The following ANKRD31 variants were observed in gnomAD, a reference collection of about 807,000 sequenced individuals.
ANKRD31 encodes the protein ankyrin repeat domain 31.
A neutral mutation model predicts 186.0 loss-of-function variants in ANKRD31; 147 were observed. That is an observed-to-expected ratio of 0.79 (90% CI 0.69 to 0.91). The LOEUF (loss-of-function observed/expected upper bound fraction) is 0.91, where lower values mean the gene tolerates loss of function less well. Ranked by LOEUF, ANKRD31 falls within the 40% of genes least tolerant of loss-of-function variation. The pLI, the probability that ANKRD31 is intolerant of heterozygous loss-of-function variation, is 0.00. For missense variants in ANKRD31, 1,986 were observed against 2,148.8 expected, an observed-to-expected ratio of 0.92 and a Z score of 1.50; for synonymous variants, 673 against 736.4, an observed-to-expected ratio of 0.91 and a Z score of 1.39.
At chr5:75,155,858 A>G (rs1752131058) in intron 11 of ANKRD31, among the ~76,000 whole-genome samples, 1 of 151,858 alleles carries the variant, frequency 6.6e-6, no homozygotes, top group Non-Finnish European at 1.5e-5. Flanking sequence ...CAGCAGGTAC[A>G]CTTTCCTCAT....
chr5:75,101,879 C>T (rs1344864213), intron 22 of ANKRD31, among the ~76,000 whole-genome samples: 4 of 152,160 alleles, frequency 2.6e-5, no homozygotes, highest in African/African-American at 4.8e-5. Flanking sequence ...GAACATCCTC[C>T]TTTAGCTCGG....
At chr5:75,178,907 A>G (rs1452058169) in intron 10 of ANKRD31, among the ~76,000 whole-genome samples, 1 of 152,206 alleles carries the variant, frequency 6.6e-6, no homozygotes, top group Non-Finnish European at 1.5e-5. Flanking sequence ...AAGGAAATAG[A>G]GACACAAAAA....
intron 22 of ANKRD31, among the ~76,000 whole-genome samples, chr5:75,101,043 T>C (rs1342977568): frequency 6.6e-6 from 1 of 152,148 alleles, no homozygotes. Flanking sequence ...GTTTGGCATG[T>C]TTTTTGCAGT....
At chr5:75,116,767 G>A (rs1020054306) in intron 18 of ANKRD31, 86 bp from the exon 19 acceptor site, 10 of 658,666 alleles carry the variant, frequency 1.5e-5, no homozygotes, top group Admixed American at 3.7e-5. Flanking sequence ...GGGATGAGAA[G>A]GATAAGTCAA....
chr5:75,218,067 G>A (rs1219359420), intron 3 of ANKRD31, among the ~76,000 whole-genome samples: 1 of 152,032 alleles, frequency 6.6e-6, no homozygotes, highest in Non-Finnish European at 1.5e-5. Context: ...CCTCAAAGCT[G>A]GTAGAAGAGA....
At chr5:75,140,061 G>A (rs1248638034) in intron 15 of ANKRD31, among the ~76,000 whole-genome samples, 9 of 151,838 alleles carry the variant, frequency 5.9e-5, no homozygotes, top group Admixed American at 4.6e-4. Context: ...AAACTTAGCC[G>A]GGCATGGTGG....
chr5:75,092,046 C>CT (rs1157504666), intron 22 of ANKRD31, among the ~76,000 whole-genome samples: 1 of 152,176 alleles, frequency 6.6e-6, no homozygotes, highest in East Asian at 1.9e-4. Flanking sequence ...GAAAAATCAC[C>CT]TTTGGCCCCA....
Position 75,138,997 on chromosome 5 carries a change from A to G in ANKRD31, c.3596-14T>C, listed in dbSNP as rs775272537. 2.0e-6 allele frequency: 3 copies of G among 1,535,248 alleles called. No individual in the cohort carries two copies. Among genetic ancestry groups the G allele is most frequent in the Non-Finnish European group, 2.6e-6 (3 of 1,146,056 alleles). On this transcript the variant is annotated splice_polypyrimidine_tract_variant and intron_variant, in intron 15 of 25. Coordinates refer to ENST00000506364, the MANE Select transcript of ANKRD31 (RefSeq NM_001372053.1). ...CTGCTTTCATTCCTGTAAATTTGCC[A>G]AACAAGAGGTTTATTTTCTGCCAAA...
intron 11 of ANKRD31, among the ~76,000 whole-genome samples, chr5:75,163,123 T>C (rs1004479904): frequency 6.6e-6 from 1 of 152,230 alleles, no homozygotes; most frequent in African/African-American, 2.4e-5. Flanking sequence ...TTTGTTAGAG[T>C]ATATTCCATT....
chr5:75,213,971 T>A (rs1031802150), intron 3 of ANKRD31, among the ~76,000 whole-genome samples: 2 of 152,196 alleles, frequency 1.3e-5, no homozygotes, highest in Non-Finnish European at 2.9e-5. Context: ...TAGACCAGAA[T>A]AGTAGTTACT....
rs1373587337 is a variant in ANKRD31 at position 75,146,632 on chromosome 5, G to GT, written c.2778dup (p.His927ThrfsTer3). Reference sequence around the variant, plus strand: ...GTTAAATTCTCCTTAAAATTATAGTGTTTTTTGCCACCTGTAGAACACAAC... The same window carrying GT: ...GTTAAATTCTCCTTAAAATTATAGTGTTTTTTTGCCACCTGTAGAACACAAC... On this transcript the variant is annotated frameshift_variant, in exon 14 of 26. Coordinates refer to ENST00000506364, the MANE Select transcript of ANKRD31 (RefSeq NM_001372053.1). LOFTEE classifies it high-confidence loss of function. 2.0e-6 allele frequency: 3 copies of GT among 1,535,528 alleles called. No individual in the cohort carries two copies. Among genetic ancestry groups the GT allele is most frequent in the Admixed American group, 2.0e-5 (1 of 50,794 alleles).
chr5:75,134,933 C>T (rs993005847), intron 17 of ANKRD31, among the ~76,000 whole-genome samples: 2 of 152,118 alleles, frequency 1.3e-5, no homozygotes, highest in African/African-American at 4.8e-5. Context: ...ATTATCTCAA[C>T]AGTTGCAGAA....
chr5:75,071,664 T>A (rs1473091830), intron 25 of ANKRD31, among the ~76,000 whole-genome samples: 1 of 151,786 alleles, frequency 6.6e-6, no homozygotes, highest in Non-Finnish European at 1.5e-5. Flanking sequence ...CCCGGCTAAT[T>A]TTTTTGTAGT....
At chr5:75,203,947 T>C (rs962841058) in intron 5 of ANKRD31, among the ~76,000 whole-genome samples, 1 of 152,148 alleles carries the variant, frequency 6.6e-6, no homozygotes. Flanking sequence ...ATTAGGCCAT[T>C]TGATATTTAT....
chr5:75,203,974 C>G (rs1306746984), intron 5 of ANKRD31, among the ~76,000 whole-genome samples: 1 of 152,202 alleles, frequency 6.6e-6, no homozygotes, highest in Admixed American at 6.5e-5. Context: ...TTTTTAAAAT[C>G]AGAAAGTCTT....
chr5:75,166,591 AC>A (rs1276913396), intron 11 of ANKRD31, among the ~76,000 whole-genome samples: 5 of 152,110 alleles, frequency 3.3e-5, no homozygotes, highest in African/African-American at 9.7e-5. Flanking sequence ...ATGCCAACAA[AC>A]CCCTTCATTT....
At chr5:75,070,477 A>G (rs951016856) in intron 25 of ANKRD31, among the ~76,000 whole-genome samples, 4 of 152,184 alleles carry the variant, frequency 2.6e-5, no homozygotes, top group African/African-American at 7.2e-5. Context: ...TATAGGATTG[A>G]TACTCAGAAG....
intron 22 of ANKRD31, among the ~76,000 whole-genome samples, chr5:75,096,264 C>T (rs528818490): frequency 5.3e-5 from 8 of 152,262 alleles, no homozygotes; most frequent in African/African-American, 1.9e-4. Context: ...CTCTAATGAT[C>T]AGTGATGTTG....
intron 5 of ANKRD31, among the ~76,000 whole-genome samples, chr5:75,205,788 CAAT>C (rs1756139641): frequency 6.6e-6 from 1 of 151,990 alleles, no homozygotes; most frequent in Admixed American, 6.6e-5. Context: ...CATTGTGACA[CAAT>C]ATACCTGACA....
Sources: gnomAD v4.1 joint callset for allele counts (sites outside exome capture counted in the v4.1 genomes callset) on GRCh38, gnomAD v4.1.1 for gene constraint, MANE v1.5 for transcripts, NCBI Gene and HGNC (gene_info 2026-07-23, HGNC 2026-07-21) for gene names.